GCKR: variants seen among roughly 807,000 people sequenced by gnomAD.
GCKR encodes glucokinase regulator.
In GCKR, 73 loss-of-function variants were observed where a neutral mutation model predicts 82.9. The observed-to-expected ratio is 0.88, with a 90% CI of 0.73 to 1.07. GCKR has a LOEUF of 1.07. Ranked by LOEUF, GCKR falls within the 50% of genes least tolerant of loss-of-function variation. The probability of loss-of-function intolerance (pLI) is 0.00; values close to 1 mark genes in which losing one functional copy is unlikely to be tolerated. For missense variants in GCKR, 784 were observed against 782.1 expected, an observed-to-expected ratio of 1.00 and a Z score of -0.03; for synonymous variants, 294 against 291.8, an observed-to-expected ratio of 1.01 and a Z score of -0.08.
chr2:27,501,128 C>T lies in GCKR; in HGVS notation c.550-7C>T. ...CTCATCATGCCCTTCTCTCTCTTCA[C>T]CATCAGGCTCCCTTTGTGGCAGGCC... On this transcript the variant is annotated splice_region_variant and splice_polypyrimidine_tract_variant and intron_variant, in intron 7 of 18. Transcript: ENST00000264717. The T allele has an allele frequency of 6.2e-7, 1 of 1,603,070 alleles. No homozygotes were observed. Among genetic ancestry groups the T allele is most frequent in the Non-Finnish European group, 8.5e-7 (1 of 1,169,792 alleles).
At chr2:27,500,889 T>C (rs908886920) in intron 7 of GCKR, among the ~76,000 whole-genome samples, 1 of 152,242 alleles carries the variant, frequency 6.6e-6, no homozygotes, top group Non-Finnish European at 1.5e-5. Flanking sequence ...TTTACGATTT[T>C]AGTTCAGTAG....
At position 27,498,255 on chromosome 2, in the gene GCKR, G is replaced by A. The variant is rs757929029; in HGVS notation, c.286G>A (p.Glu96Lys). The change falls in exon 4 of 19, where the codon GAG (glutamate) becomes AAG (lysine). Residue 96 changes from glutamate to lysine, a missense_variant and splice_region_variant. Transcript: ENST00000264717. ...AATATATGCCTCTTTCCTTCTTCAG[G>A]AGCCAGATGGGGGGCTGGTTGTGCT... is the stretch of plus-strand genomic sequence containing the variant. Reference protein sequence around the residue: ...VAGKVQEVLKEPDGGLVVLSG... With the variant: ...VAGKVQEVLKKPDGGLVVLSG... 1.9e-6 allele frequency: 3 copies of A among 1,612,064 alleles called. No individual in the cohort carries two copies. In the South Asian group the frequency reaches 3.3e-5, roughly 18 times the overall value.
At chr2:27,511,830 C>G (rs1448521170) in intron 16 of GCKR, among the ~76,000 whole-genome samples, 1 of 152,048 alleles carries the variant, frequency 6.6e-6, no homozygotes, top group Non-Finnish European at 1.5e-5. Context: ...AAAAATCAAA[C>G]CTACAGAAAA....
At chr2:27,513,099 G>T (rs1466909753) in intron 16 of GCKR, among the ~76,000 whole-genome samples, 1 of 152,086 alleles carries the variant, frequency 6.6e-6, no homozygotes, top group Non-Finnish European at 1.5e-5. Flanking sequence ...CTATTCCTCA[G>T]CAATCTTTCA....
chr2:27,523,404 G>A lies in GCKR; in HGVS notation c.1843G>A (p.Asp615Asn), dbSNP rs1224059581. ...LAGPGQKRTA[D>N]PLEILEPDVQ Reference sequence around the variant, plus strand: ...TGGGCCAGGTCAGAAGCGCACTGCGGACCCCCTCGAGATCCTAGAGCCTGA... The same window carrying A: ...TGGGCCAGGTCAGAAGCGCACTGCGAACCCCCTCGAGATCCTAGAGCCTGA... The change falls in exon 19 of 19, where the codon GAC becomes AAC. Residue 615 changes from aspartate to asparagine, a missense_variant. Transcript: ENST00000264717. The A allele has an allele frequency of 6.2e-7, 1 of 1,610,302 alleles. No individual in the cohort carries two copies. Among genetic ancestry groups the A allele is most frequent in the Non-Finnish European group, 8.5e-7 (1 of 1,180,004 alleles).
chr2:27,497,210 T>C (rs1379012836), intron 1 of GCKR, 34 bp from the exon 2 acceptor site: 1 of 1,613,978 alleles, frequency 6.2e-7, no homozygotes, highest in East Asian at 2.2e-5. Flanking sequence ...AGGCTTTGGC[T>C]TCCTGCTCCA....
At chr2:27,506,976 G>T (rs1045706058) in intron 12 of GCKR, 91 bp downstream of exon 12, 2 of 891,902 alleles carry the variant, frequency 2.2e-6, no homozygotes, top group Admixed American at 3.4e-5. Context: ...CCAACCCATG[G>T]GTGTTCCTCA....
At chr2:27,523,205 C>CG in intron 18 of GCKR, 64 bp from the exon 19 acceptor site, 2 of 1,436,388 alleles carry the variant, frequency 1.4e-6, no homozygotes, top group Non-Finnish European at 1.9e-6. Flanking sequence ...GACCTTCCTC[C>CG]GGGGTTCTTT....
intron 16 of GCKR, among the ~76,000 whole-genome samples, chr2:27,508,971 C>G (rs1178220583): frequency 6.6e-6 from 1 of 151,692 alleles, no homozygotes; most frequent in Non-Finnish European, 1.5e-5. Flanking sequence ...AGCACAAATA[C>G]TGATAATAAT....
In GCKR at chr2:27,498,816, T is replaced by C. The variant is rs372410789; in HGVS notation, c.428+19T>C. The C allele has an allele frequency of 7.6e-6, 11 of 1,452,176 alleles. No homozygotes were observed. Among genetic ancestry groups the C allele is most frequent in the Non-Finnish European group, 9.7e-6 (10 of 1,032,064 alleles). The allele number at this position is 1,452,176 out of a possible 1,614,324, so 90.0% of individuals were successfully genotyped here. A position where few individuals can be genotyped will look rare whatever the true frequency, so the allele number is the denominator to read the frequency against. On this transcript the variant is annotated intron_variant, in intron 5 of 18. Transcript: ENST00000264717. ...GTGACAGGTAAGCCAAGTTAGCCTA[T>C]GAATATTTTGTTTGACCTAAATAGT...
intron 16 of GCKR, among the ~76,000 whole-genome samples, chr2:27,516,794 C>T (rs1255758803): frequency 6.6e-6 from 1 of 152,170 alleles, no homozygotes; most frequent in Non-Finnish European, 1.5e-5. Context: ...CTGACACGCA[C>T]CCTATAGCAT....
intron 9 of GCKR, among the ~76,000 whole-genome samples, chr2:27,505,416 A>AAG (rs1369667251): frequency 2.6e-5 from 4 of 151,192 alleles, no homozygotes; most frequent in Admixed American, 6.6e-5. Context: ...AAAAAAAAAA[A>AAG]AAAGAAAAAA....
rs1670198343 is a variant in GCKR, at chr2:27,523,372, C to T, written c.1811C>T (p.Ala604Val). The change falls in exon 19 of 19, where the codon GCT becomes GTT. Residue 604 changes from alanine to valine, a missense_variant. Coordinates refer to ENST00000264717, the MANE Select transcript of GCKR (RefSeq NM_001486.4). The stretch of plus-strand genomic sequence containing the variant: ...TCTGTCTGTGAGGCTGTCAGGAGTG[C>T]TCTTGCTGGGCCAGGTCAGAAGCGC... Reference protein sequence around the residue: ...APSVCEAVRSALAGPGQKRTA... With the variant: ...APSVCEAVRSVLAGPGQKRTA... 6.2e-7 allele frequency: 1 copy of T among 1,612,478 alleles called. No individual in the cohort carries two copies. The highest frequency in any genetic ancestry group is 2.2e-5 in the East Asian group (1 of 44,870).
In GCKR at chr2:27,511,711, T is replaced by TA. The variant is rs991041614; in HGVS notation, c.1422+3468dup. On this transcript the variant is annotated intron_variant, in intron 16 of 18. Transcript: ENST00000264717. ...AAAAAATAATAATAAAAATTAAAAA[T>TA]AAAAAAAAGAAATATTTTCTATGTA... 2.6e-5 allele frequency among the ~76,000 whole-genome samples: 4 copies of TA among 151,928 alleles called. No individual in the cohort carries two copies. The East Asian group carries it at 7.7e-4, about 29-fold the overall frequency.
chr2:27,513,261 T>A (rs1669931771), intron 16 of GCKR, among the ~76,000 whole-genome samples: 1 of 152,188 alleles, frequency 6.6e-6, no homozygotes, highest in Admixed American at 6.5e-5. Flanking sequence ...CCAGGTGCGG[T>A]GGCTCACATC....
At chr2:27,501,505 A>G (rs1401854271) in intron 8 of GCKR, among the ~76,000 whole-genome samples, 1 of 152,274 alleles carries the variant, frequency 6.6e-6, no homozygotes, top group South Asian at 2.1e-4. Flanking sequence ...AAGAGGCAAG[A>G]GAAACAAGGA....
At chr2:27,498,152 T>C in intron 3 of GCKR, 103 bp from the exon 4 acceptor site, 1 of 879,008 alleles carries the variant, frequency 1.1e-6, no homozygotes, top group South Asian at 1.4e-5. Context: ...AGAGGAGGGA[T>C]AAGGAGTCTT....
intron 16 of GCKR, among the ~76,000 whole-genome samples, chr2:27,512,338 C>G (rs776467012): frequency 1.1e-4 from 16 of 149,618 alleles, no homozygotes; most frequent in Non-Finnish European, 2.4e-4. Context: ...GAGTTCAAGA[C>G]CAGCCTGGCC....
intron 16 of GCKR, among the ~76,000 whole-genome samples, chr2:27,517,387 G>A (rs1458279541): frequency 6.6e-6 from 1 of 152,160 alleles, no homozygotes; most frequent in Non-Finnish European, 1.5e-5. Context: ...TACAATCATG[G>A]TGGAAGGTGA....
Sources: allele counts gnomAD v4.1 joint callset (sites outside exome capture counted in the v4.1 genomes callset), GRCh38; gene constraint gnomAD v4.1.1; transcripts MANE v1.5; gene names NCBI Gene and HGNC (gene_info 2026-07-23, HGNC 2026-07-21).